NEMP2: variants seen among roughly 807,000 people sequenced by gnomAD.
The protein encoded by NEMP2 is UPF0571 transmembrane protein.
In NEMP2, 53 loss-of-function variants were observed where a neutral mutation model predicts 54.2. The observed-to-expected ratio is 0.98, with a 90% CI of 0.78 to 1.23. The LOEUF is 1.23. Among genes scored for constraint, NEMP2 ranks in the 50% most tolerant of loss-of-function variants. NEMP2 has a pLI of 0.00. For synonymous variants in NEMP2, 197 were observed against 190.3 expected, an observed-to-expected ratio of 1.04 and a Z score of -0.29; for missense variants, 455 against 511.3, an observed-to-expected ratio of 0.89 and a Z score of 1.06.
the NEMP2 span, chr2:190,489,632 TA>T: frequency 1.4e-6 from 1 of 738,918 alleles, no homozygotes. The surrounding 1 kb of genome is among the most constrained non-coding windows in gnomAD (Gnocchi z 6.6). Context: ...TATGTGGAGC[TA>T]ATACCCAACT....
At chr2:190,562,078 C>A in the NEMP2 span, among the ~76,000 whole-genome samples, 3 of 152,064 alleles carry the variant, frequency 2.0e-5, no homozygotes, top group African/African-American at 7.2e-5. The surrounding 1 kb of genome is among the most constrained non-coding windows in gnomAD (Gnocchi z 5.0). Context: ...AGAGAGCAAC[C>A]AGAAATATTT....
At chr2:190,575,795 G>A in the NEMP2 span, among the ~76,000 whole-genome samples, 1 of 152,136 alleles carries the variant, frequency 6.6e-6, no homozygotes, top group African/African-American at 2.4e-5. Context: ...GGCGGAGGTT[G>A]CAGTGAGCTG....
chr2:190,600,534 C>T, the NEMP2 span, among the ~76,000 whole-genome samples: 3 of 152,104 alleles, frequency 2.0e-5, no homozygotes, highest in Non-Finnish European at 4.4e-5. The surrounding 1 kb of genome is among the most constrained non-coding windows in gnomAD (Gnocchi z 4.9). Flanking sequence ...AGAATGCCCT[C>T]CTTGGGGTGG....
chr2:190,542,645 T>G, the NEMP2 span, among the ~76,000 whole-genome samples: 1 of 152,224 alleles, frequency 6.6e-6, no homozygotes, highest in Non-Finnish European at 1.5e-5. The surrounding 1 kb of genome is among the most constrained non-coding windows in gnomAD (Gnocchi z 4.6). Context: ...TTCTTTCCTC[T>G]GCTGAATCTA....
chr2:190,457,173 T>C, the NEMP2 span, among the ~76,000 whole-genome samples: 1 of 152,134 alleles, frequency 6.6e-6, no homozygotes, highest in African/African-American at 2.4e-5. This position sits in a 1 kb window ranked among gnomAD's most constrained non-coding sequence, Gnocchi z 5.1. Context: ...AGCACATTGC[T>C]ATTACCTACT....
At chr2:190,647,119 T>C in the NEMP2 span, among the ~76,000 whole-genome samples, 1 of 152,164 alleles carries the variant, frequency 6.6e-6, no homozygotes, top group Non-Finnish European at 1.5e-5. Flanking sequence ...ACCGTGACAA[T>C]TAGGGAGACT....
the NEMP2 span, among the ~76,000 whole-genome samples, chr2:190,572,798 T>A: frequency 7.6e-6 from 1 of 131,492 alleles, no homozygotes; most frequent in Non-Finnish European, 1.6e-5. Context: ...AGTTCTTCAC[T>A]ATTACAAACA....
chr2:190,621,230 T>C, the NEMP2 span, among the ~76,000 whole-genome samples: 255 of 152,360 alleles, frequency 1.7e-3, 1 homozygote, highest in Non-Finnish European at 3.0e-3. Context: ...ACCTAGATTG[T>C]ATATAGCCTA....
At chr2:190,604,870 AT>A in the NEMP2 span, among the ~76,000 whole-genome samples, 1 of 152,174 alleles carries the variant, frequency 6.6e-6, no homozygotes, top group Non-Finnish European at 1.5e-5. This position sits in a 1 kb window ranked among gnomAD's most constrained non-coding sequence, Gnocchi z 4.5. Flanking sequence ...AGCACTTCAC[AT>A]GCCTTGTGAC....
At chr2:190,648,235 G>A in the NEMP2 span, 1 of 152,272 alleles carries the variant, frequency 6.6e-6, no homozygotes. Flanking sequence ...CAGCGCGACA[G>A]TTGTCAAAGC....
At chr2:190,449,969 C>G in the NEMP2 span, among the ~76,000 whole-genome samples, 1 of 151,856 alleles carries the variant, frequency 6.6e-6, no homozygotes, top group South Asian at 2.1e-4. Flanking sequence ...ACATATGTAA[C>G]TAACCTGCAC....
At chr2:190,574,458 G>T in the NEMP2 span, among the ~76,000 whole-genome samples, 1 of 152,026 alleles carries the variant, frequency 6.6e-6, no homozygotes, top group Non-Finnish European at 1.5e-5. Context: ...TTTCTTAATG[G>T]ATTTATTGAG....
At chr2:190,600,757 A>G in the NEMP2 span, among the ~76,000 whole-genome samples, 3 of 152,228 alleles carry the variant, frequency 2.0e-5, no homozygotes, top group South Asian at 6.2e-4. The surrounding 1 kb of genome is among the most constrained non-coding windows in gnomAD (Gnocchi z 4.9). Context: ...AGCCATCAAA[A>G]TTGTGAGCCA....
Position 190,513,076 on chromosome 2 carries a change from A to C in NEMP2, c.953+1377T>G, listed in dbSNP as rs1356312595. On this transcript the variant is annotated intron_variant, in intron 7 of 8. Transcript: ENST00000409150. The surrounding 1 kb of genome is among the most constrained non-coding windows in gnomAD (Gnocchi z 5.3). ...CTCGCCTGGACCACTGTGATGTCTG[A>C]TAACTGTTCTCCTGCCACAGGGGCC... Among the ~76,000 whole-genome samples the C allele has an allele frequency of 6.6e-6, 1 of 152,140 alleles. No individual in the cohort carries two copies. Among genetic ancestry groups the C allele is most frequent in the East Asian group, 1.9e-4 (1 of 5,194 alleles).
chr2:190,582,598 T>G, the NEMP2 span, among the ~76,000 whole-genome samples: 1 of 152,226 alleles, frequency 6.6e-6, no homozygotes, highest in Non-Finnish European at 1.5e-5. The surrounding 1 kb of genome is among the most constrained non-coding windows in gnomAD (Gnocchi z 4.6). Flanking sequence ...AATAAATTAG[T>G]TGAAGTGTTC....
chr2:190,624,337 T>C, the NEMP2 span, among the ~76,000 whole-genome samples: 2 of 152,228 alleles, frequency 1.3e-5, no homozygotes, highest in Non-Finnish European at 1.5e-5. Flanking sequence ...GGAATACCCA[T>C]ACATTGTTGA....
chr2:190,494,959 T>C, the NEMP2 span, among the ~76,000 whole-genome samples: 3 of 152,262 alleles, frequency 2.0e-5, no homozygotes, highest in Non-Finnish European at 4.4e-5. This position sits in a 1 kb window ranked among gnomAD's most constrained non-coding sequence, Gnocchi z 5.7. Context: ...ATGCCCACTC[T>C]CACCACTTCT....
Position 190,528,235 on chromosome 2 carries a change from T to C in NEMP2, c.98-2857A>G, listed in dbSNP as rs1014872222. On this transcript the variant is annotated intron_variant, in intron 1 of 8. Transcript: ENST00000409150. This position sits in a 1 kb window ranked among gnomAD's most constrained non-coding sequence, Gnocchi z 4.3. ...GGCAGCTACCTATAGAAAAGAAGAA[T>C]GTCAAGGAATGTAGTATATAACCTG... Among the ~76,000 whole-genome samples the C allele has an allele frequency of 2.0e-5, 3 of 152,072 alleles. No homozygotes were observed. Among genetic ancestry groups the C allele is most frequent in the African/African-American group, 7.2e-5 (3 of 41,398 alleles).
At chr2:190,496,501 A>C in the NEMP2 span, among the ~76,000 whole-genome samples, 5 of 152,226 alleles carry the variant, frequency 3.3e-5, no homozygotes, top group Non-Finnish European at 7.3e-5. This position sits in a 1 kb window ranked among gnomAD's most constrained non-coding sequence, Gnocchi z 4.7. Flanking sequence ...GAGGAAAAGA[A>C]GTCATTATAT....
Sources: gnomAD v4.1 joint callset for allele counts (sites outside exome capture counted in the v4.1 genomes callset) on GRCh38, gnomAD v4.1.1 for gene constraint, Gnocchi (gnomAD v3.1) non-coding constraint, MANE v1.5 for transcripts, NCBI Gene and HGNC (gene_info 2026-07-23, HGNC 2026-07-21) for gene names.